The following GAB1 variants were observed in gnomAD, a reference collection of about 807,000 sequenced individuals.
GAB1 encodes GRB2 associated binding protein 1.
A neutral mutation model predicts 66.5 loss-of-function variants in GAB1; 19 were observed. The observed-to-expected ratio is 0.29, with a 90% CI of 0.20 to 0.42. The LOEUF (loss-of-function observed/expected upper bound fraction) is 0.42, where lower values mean the gene tolerates loss of function less well. Among genes scored for constraint, GAB1 ranks in the 10% least tolerant of loss-of-function variants. GAB1 has a pLI of 1.00. For synonymous variants in GAB1, 294 were observed against 301.4 expected (o/e 0.98, Z 0.25); for missense variants, 732 against 858.5 (o/e 0.85, Z 1.84).
chr4:143,389,658 T>G (rs1731091589), intron 1 of GAB1, among the ~76,000 whole-genome samples: 1 of 152,248 alleles, frequency 6.6e-6, no homozygotes, highest in South Asian at 2.1e-4. Flanking sequence ...TGAACATTAC[T>G]GCTTCACCTC....
rs1396863820 is a variant in GAB1, at chr4:143,358,019, A to T, written c.72+20759A>T. On this transcript the variant is annotated intron_variant, in intron 1 of 9. Transcript: ENST00000262994. ...TGTCTGTTATATAAATTGCTATTTT[A>T]AAAAACCACTTTTAAAAACTAAGAA... is the stretch of plus-strand genomic sequence containing the variant. 2.6e-5 allele frequency among the ~76,000 whole-genome samples: 4 copies of T among 152,154 alleles called. No homozygotes were observed. In the East Asian group the frequency reaches 5.8e-4, roughly 22 times the overall value.
At chr4:143,413,683 A>G (rs541544206) in intron 1 of GAB1, among the ~76,000 whole-genome samples, 4 of 152,082 alleles carry the variant, frequency 2.6e-5, no homozygotes, top group South Asian at 2.1e-4. Flanking sequence ...ATTTTTTTCC[A>G]CAATTAGTCA....
rs1265611279 is a variant in GAB1, at chr4:143,438,312, G to C, written c.907G>C (p.Val303Leu). Residue 303 changes from valine (V) to leucine (L), a missense_variant, in exon 4 of 10, where the codon GTA becomes CTA. Physicochemically the swap from Val to Leu is conservative, Grantham distance 32 (BLOSUM62 1). This residue lies in a region of GAB1 where 427 missense variants were observed against 420.6 expected (regional missense o/e 1.02). Transcript: ENST00000262994. ...GAGTGTAGAGACTCAAATGAGGCATGTATCTATTAGTTATGACATTCCTCC... is the reference window on the plus strand; with the variant it reads ...GAGTGTAGAGACTCAAATGAGGCATCTATCTATTAGTTATGACATTCCTCC... Reference protein sequence around the residue: ...TSSVETQMRHVSISYDIPPTP... With the variant: ...TSSVETQMRHLSISYDIPPTP... 6.2e-7 allele frequency: 1 copy of C among 1,613,940 alleles called. No homozygotes were observed. Among genetic ancestry groups the C allele is most frequent in the Admixed American group, 1.7e-5 (1 of 59,998 alleles).
chr4:143,408,390 G>C lies in GAB1; in HGVS notation c.73-7087G>C, dbSNP rs28925888. ...ATCTGACCTATTCTTAGTTATCAGA[G>C]TTAACAACTTAGTATGTGTCCTTCC... On this transcript the variant is annotated intron_variant, in intron 1 of 9. Coordinates refer to ENST00000262994, the MANE Select transcript of GAB1 (RefSeq NM_002039.4). Among the ~76,000 whole-genome samples the C allele has an allele frequency of 1.8e-3, 277 of 152,270 alleles. 2 individuals carry two copies. Among genetic ancestry groups the C allele is most frequent in the African/African-American group, 6.6e-3 (274 of 41,562 alleles).
chr4:143,468,743 C>A (rs933300963), intron 9 of GAB1, among the ~76,000 whole-genome samples: 2 of 151,578 alleles, frequency 1.3e-5, no homozygotes, highest in Admixed American at 1.3e-4. Flanking sequence ...GACCAATATG[C>A]TGAAACCACA....
At chr4:143,417,338 G>T (rs985314069) in intron 2 of GAB1, 1 of 353,150 alleles carries the variant, frequency 2.8e-6, no homozygotes, top group Non-Finnish European at 5.5e-6. Context: ...ATCCTGGAAA[G>T]AGCTGAGTGA....
At chr4:143,339,118 A>G (rs1016108760) in intron 1 of GAB1, among the ~76,000 whole-genome samples, 1 of 152,236 alleles carries the variant, frequency 6.6e-6, no homozygotes, top group African/African-American at 2.4e-5. Context: ...TGTCATCTCT[A>G]TTTTACAGAA....
chr4:143,449,898 C>T (rs1458719965), intron 6 of GAB1, among the ~76,000 whole-genome samples: 1 of 148,144 alleles, frequency 6.8e-6, no homozygotes, highest in African/African-American at 2.5e-5. Flanking sequence ...GTGGTGTTTA[C>T]ATTTTGGCAT....
Position 143,437,291 on chromosome 4 carries a change from CAAATTTTGTGATACCTCA to C in GAB1, c.594-703_594-686del, listed in dbSNP as rs1560769206. 4.6e-5 allele frequency among the ~76,000 whole-genome samples: 7 copies of C among 152,122 alleles called. No individual in the cohort carries two copies. In the South Asian group the frequency reaches 1.4e-3, roughly 32 times the overall value. Reference sequence around the variant, plus strand: ...TGTTAGCTTCATCTTGTCGTATACCCAAATTTTGTGATACCTCAAAATGCAGAGACCGAAAATGTTCAT... The same window carrying C: ...TGTTAGCTTCATCTTGTCGTATACCCAAATGCAGAGACCGAAAATGTTCAT... On this transcript the variant is annotated intron_variant, in intron 3 of 9. Coordinates refer to ENST00000262994, the MANE Select transcript of GAB1 (RefSeq NM_002039.4).
chr4:143,394,481 T>A (rs1731342917), intron 1 of GAB1, among the ~76,000 whole-genome samples: 1 of 152,240 alleles, frequency 6.6e-6, no homozygotes, highest in South Asian at 2.1e-4. Context: ...AATAAATTTT[T>A]ATCATCAAGT....
chr4:143,355,870 G>A (rs1451717991), intron 1 of GAB1, among the ~76,000 whole-genome samples: 2 of 152,046 alleles, frequency 1.3e-5, no homozygotes, highest in East Asian at 1.9e-4. Flanking sequence ...AATTTTTTAA[G>A]TTTATGATAC....
chr4:143,446,531 T>G (rs1734549353), intron 6 of GAB1, among the ~76,000 whole-genome samples: 2 of 152,008 alleles, frequency 1.3e-5, no homozygotes, highest in African/African-American at 4.8e-5. Flanking sequence ...GATTTGCATT[T>G]CTCTGATGGC....
intron 1 of GAB1, among the ~76,000 whole-genome samples, chr4:143,384,003 T>A (rs1268329341): frequency 6.6e-6 from 1 of 151,994 alleles, no homozygotes; most frequent in Non-Finnish European, 1.5e-5. Flanking sequence ...AGCCCAGGAG[T>A]TTGAGGCTGC....
rs571991968 is a variant in GAB1 at position 143,461,237 on chromosome 4, A to G, written c.1803+750A>G. ...GTTATTTGTATTTTAGTTGATAAGT[A>G]TATCCATTAGGATTAAGTTCCCCTC... On this transcript the variant is annotated intron_variant, in intron 8 of 9. Transcript: ENST00000262994. 2.0e-5 allele frequency among the ~76,000 whole-genome samples: 3 copies of G among 152,374 alleles called. 1 individual carries two copies. The highest frequency in any genetic ancestry group is 4.1e-4 in the South Asian group (2 of 4,834).
intron 1 of GAB1, among the ~76,000 whole-genome samples, chr4:143,369,212 A>G (rs987554800): frequency 1.3e-5 from 2 of 152,026 alleles, no homozygotes; most frequent in Non-Finnish European, 2.9e-5. Flanking sequence ...GAGTGCTGGG[A>G]TTACAGTTAT....
chr4:143,432,954 T>C (rs1420580164), intron 2 of GAB1, among the ~76,000 whole-genome samples: 2 of 152,184 alleles, frequency 1.3e-5, no homozygotes, highest in African/African-American at 2.4e-5. Context: ...TCCTTGAACA[T>C]GAATAGACTT....
chr4:143,407,533 C>T (rs1480439274), intron 1 of GAB1, among the ~76,000 whole-genome samples: 1 of 152,064 alleles, frequency 6.6e-6, no homozygotes, highest in Non-Finnish European at 1.5e-5. Context: ...CAGTTGAAAG[C>T]TTAGATCTAG....
At chr4:143,432,037 G>T (rs1055667697) in intron 2 of GAB1, among the ~76,000 whole-genome samples, 1 of 152,178 alleles carries the variant, frequency 6.6e-6, no homozygotes, top group Non-Finnish European at 1.5e-5. Flanking sequence ...TGCTGACAGC[G>T]TGGAGAAAAG....
chr4:143,412,465 C>T (rs529619463), intron 1 of GAB1, among the ~76,000 whole-genome samples: 57 of 152,272 alleles, frequency 3.7e-4, no homozygotes, highest in African/African-American at 1.3e-3. Context: ...ATTTATTGTA[C>T]AGATATGCTA....
Sources: gnomAD v4.1 joint callset for allele counts (sites outside exome capture counted in the v4.1 genomes callset) on GRCh38, gnomAD v4.1.1 for gene constraint, gnomAD v4.1.1 regional missense constraint, MANE v1.5 for transcripts, NCBI Gene and HGNC (gene_info 2026-07-23, HGNC 2026-07-21) for gene names.